Variants in MYOF observed in about 807,000 individuals in gnomAD.
MYOF encodes the protein fer-1-like 3, myoferlin.
MYOF carries 244 observed loss-of-function variants against 284.2 expected under a neutral mutation model. The ratio of observed to expected loss-of-function variants is 0.86; its 90% CI spans 0.77 to 0.95. MYOF has a LOEUF of 0.95. Among genes scored for constraint, MYOF ranks in the 40% least tolerant of loss-of-function variants. The pLI, the probability that MYOF is intolerant of heterozygous loss-of-function variation, is 0.00. For missense variants in MYOF, 2,496 were observed against 2,560.6 expected (o/e 0.97, Z 0.54); for synonymous variants, 904 against 919.7 (o/e 0.98, Z 0.31).
At chr10:93,431,737 CTTTCT>C (rs1564714030) in intron 3 of MYOF, among the ~76,000 whole-genome samples, 3 of 142,884 alleles carry the variant, frequency 2.1e-5, no homozygotes, top group African/African-American at 2.6e-5. Flanking sequence ...TATGAAATTT[CTTTCT>C]TTTCTTTTTT....
At chr10:93,403,801 A>T (rs1027048630) in intron 9 of MYOF, among the ~76,000 whole-genome samples, 3 of 152,128 alleles carry the variant, frequency 2.0e-5, no homozygotes, top group Non-Finnish European at 4.4e-5. Context: ...AACCCTGGGA[A>T]GGGCCCTGAT....
intron 41 of MYOF, among the ~76,000 whole-genome samples, chr10:93,335,411 G>T (rs1843550096): frequency 6.6e-6 from 1 of 152,164 alleles, no homozygotes; most frequent in Non-Finnish European, 1.5e-5. Context: ...CAGTAGTCCA[G>T]AGAGAAGATC....
chr10:93,336,916 GGGAAGGAAAGGAAGGAA>G (rs1261867914), intron 40 of MYOF, among the ~76,000 whole-genome samples: 1 of 145,204 alleles, frequency 6.9e-6, no homozygotes, highest in Non-Finnish European at 1.5e-5. Flanking sequence ...AAGGAAGGAA[GGGAAGGAAAGGAAGGAA>G]GGAAGGAAAG....
chr10:93,427,212 C>CAA (rs369906090), intron 4 of MYOF, among the ~76,000 whole-genome samples: 38 of 138,342 alleles, frequency 2.7e-4, no homozygotes, highest in African/African-American at 1.0e-3. Context: ...CAAAACAAAA[C>CAA]AAAACAAAAA....
At chr10:93,452,892 G>A (rs975149740) in intron 2 of MYOF, among the ~76,000 whole-genome samples, 2 of 151,910 alleles carry the variant, frequency 1.3e-5, no homozygotes, top group Admixed American at 1.3e-4. Context: ...GTCGGTCAAT[G>A]CTATAATATA....
chr10:93,327,122 T>G (rs1843083265), intron 45 of MYOF, among the ~76,000 whole-genome samples: 2 of 151,982 alleles, frequency 1.3e-5, no homozygotes, highest in Non-Finnish European at 2.9e-5. Context: ...GGACCCTCAC[T>G]CTGGGGGACA....
rs12262721 is a variant in MYOF, at chr10:93,404,052, G to T, written c.814C>A (p.Arg272=). 0.054 allele frequency: 87,311 copies of T among 1,613,588 alleles called. 4,007 individuals are homozygous for T. Among genetic ancestry groups the T allele is most frequent in the African/African-American group, 0.24 (18,036 of 74,920 alleles). The change falls in exon 9 of 54, where the codon CGG becomes AGG. Residue 272 remains arginine (R), a synonymous_variant. Coordinates refer to ENST00000359263, the MANE Select transcript of MYOF (RefSeq NM_013451.4). The part of the protein sequence containing the change: ...SIRVYNSHSL[R]ADCLMGEFKI... ...AATTCCCCCATCAGACAATCTGCCCGCAGAGAGTGAGAATTATAAACCTGG... is the reference window on the plus strand; with the variant it reads ...AATTCCCCCATCAGACAATCTGCCCTCAGAGAGTGAGAATTATAAACCTGG...
intron 27 of MYOF, among the ~76,000 whole-genome samples, chr10:93,362,810 A>G (rs1845138070): frequency 6.6e-6 from 1 of 152,228 alleles, no homozygotes; most frequent in Non-Finnish European, 1.5e-5. Context: ...GATGATGAAT[A>G]TTTAGGCAAA....
At chr10:93,467,110 G>A (rs1377719386) in intron 1 of MYOF, among the ~76,000 whole-genome samples, 1 of 152,150 alleles carries the variant, frequency 6.6e-6, no homozygotes, top group Admixed American at 6.5e-5. Flanking sequence ...GTAAGTGGCA[G>A]AGCTGAGCTT....
At chr10:93,468,965 A>G (rs941759568) in intron 1 of MYOF, among the ~76,000 whole-genome samples, 19 of 152,244 alleles carry the variant, frequency 1.2e-4, no homozygotes, top group African/African-American at 4.6e-4. Context: ...CCCAAGACCC[A>G]GCTTCTAGTC....
At chr10:93,387,968 C>A in intron 18 of MYOF, 55 bp from the exon 19 acceptor site, 1 of 1,394,892 alleles carries the variant, frequency 7.2e-7, no homozygotes, top group Non-Finnish European at 1.0e-6. Flanking sequence ...AAAAAGAATT[C>A]TGTGTCTCTA....
chr10:93,399,291 G>T (rs929319446), intron 13 of MYOF, 101 bp downstream of exon 13: 1 of 858,790 alleles, frequency 1.2e-6, no homozygotes. Context: ...CTCATCAGGG[G>T]GCTATTTTAA....
intron 1 of MYOF, among the ~76,000 whole-genome samples, chr10:93,472,648 A>G (rs925909649): frequency 6.6e-6 from 1 of 152,148 alleles, no homozygotes; most frequent in African/African-American, 2.4e-5. Flanking sequence ...CAAAACAAAA[A>G]CAAAAACAAA....
In MYOF at chr10:93,465,219, C is replaced by T. The variant is rs773640837; in HGVS notation, c.89-8282G>A. 3.3e-5 allele frequency among the ~76,000 whole-genome samples: 5 copies of T among 152,048 alleles called. No homozygotes were observed. In the South Asian group the frequency reaches 8.3e-4, roughly 25 times the overall value. ...ATGGAGCTGGGATTCAAACCCCGGT[C>T]GAAAGAGACAAAAAGCAATTAGTTT... is the stretch of plus-strand genomic sequence containing the variant. On this transcript the variant is annotated intron_variant, in intron 1 of 53. Transcript: ENST00000359263.
chr10:93,310,266 T>C (rs536682359), intron 52 of MYOF, 99 bp from the exon 53 acceptor site: 3 of 1,452,094 alleles, frequency 2.1e-6, no homozygotes, highest in Admixed American at 3.8e-5. Context: ...ATCACATTAA[T>C]AAGGTCAAGA....
intron 1 of MYOF, among the ~76,000 whole-genome samples, chr10:93,460,961 G>C (rs1302862722): frequency 5.3e-5 from 8 of 151,744 alleles, no homozygotes; most frequent in Non-Finnish European, 2.9e-5. Context: ...CATGCATGGT[G>C]GTGGGCACCT....
Position 93,465,401 on chromosome 10 carries a change from C to T in MYOF, c.89-8464G>A, listed in dbSNP as rs753120904. Among the ~76,000 whole-genome samples, 10 of 152,194 alleles carry T rather than the reference C, an allele frequency of 6.6e-5. No individual in the cohort carries two copies. In the East Asian group the frequency reaches 7.7e-4, roughly 12 times the overall value. On this transcript the variant is annotated intron_variant, in intron 1 of 53. Transcript: ENST00000359263. ...AGTTCATATAAGTGTGATTACTAGG[C>T]GGCTTTAATGATTAAATGAAAGAAT...
intron 5 of MYOF, among the ~76,000 whole-genome samples, chr10:93,414,200 TGG>T (rs2134144761): frequency 7.6e-6 from 1 of 131,872 alleles, no homozygotes; most frequent in East Asian, 2.0e-4. Flanking sequence ...TGCCTCTGTG[TGG>T]TCACACAGCC....
rs1205439152 is a variant in MYOF, at chr10:93,434,438, A to AC, written c.237-2923_237-2922insG. On this transcript the variant is annotated intron_variant, in intron 3 of 53. Coordinates refer to ENST00000359263, the MANE Select transcript of MYOF (RefSeq NM_013451.4). The stretch of plus-strand genomic sequence containing the variant: ...AGAGCAAGACCCTGTCTCAAAAAAA[A>AC]AAAAAAAAACAAAAAAGAATCTGTA... Among the ~76,000 whole-genome samples, 21 of 151,948 alleles carry AC rather than the reference A, an allele frequency of 1.4e-4. No individual in the cohort carries two copies. The East Asian group carries it at 2.3e-3, about 17-fold the overall frequency.
Sources: allele counts gnomAD v4.1 joint callset (sites outside exome capture counted in the v4.1 genomes callset), GRCh38; gene constraint gnomAD v4.1.1; transcripts MANE v1.5; gene names NCBI Gene and HGNC (gene_info 2026-07-23, HGNC 2026-07-21).